NHSL1: variants seen among roughly 807,000 people sequenced by gnomAD.
NHSL1 encodes NHS-like protein 1.
In NHSL1, 48 loss-of-function variants were observed where a neutral mutation model predicts 95.0. The observed-to-expected ratio is 0.51, with a 90% CI of 0.40 to 0.64. The LOEUF (loss-of-function observed/expected upper bound fraction) is 0.64, where lower values mean the gene tolerates loss of function less well. NHSL1 is among the 30% of genes least tolerant of loss of function. NHSL1 has a pLI of 0.00. For synonymous variants in NHSL1, 783 were observed against 833.9 expected (o/e 0.94, Z 1.05); for missense variants, 1,971 against 2,077.7 (o/e 0.95, Z 1.00).
chr6:138,439,692 G>A (rs942486199), intron 5 of NHSL1, among the ~76,000 whole-genome samples: 1 of 152,106 alleles, frequency 6.6e-6, no homozygotes, highest in Admixed American at 6.5e-5. Context: ...AGATACGGTT[G>A]TCTCAGTTGA....
At chr6:138,667,761 C>G (rs753719965) in intron 1 of NHSL1, among the ~76,000 whole-genome samples, 3 of 152,126 alleles carry the variant, frequency 2.0e-5, no homozygotes, top group Non-Finnish European at 4.4e-5. Context: ...CTTTCATGTC[C>G]TTTCTATTTT....
At chr6:138,531,393 G>A (rs1012620561) in intron 1 of NHSL1, among the ~76,000 whole-genome samples, 2 of 152,190 alleles carry the variant, frequency 1.3e-5, no homozygotes, top group Non-Finnish European at 2.9e-5. Flanking sequence ...GCAAGGCATG[G>A]TATTCCAGGT....
At chr6:138,685,161 A>G (rs1785569631) in intron 1 of NHSL1, among the ~76,000 whole-genome samples, 1 of 152,126 alleles carries the variant, frequency 6.6e-6, no homozygotes, top group South Asian at 2.1e-4. Flanking sequence ...ATACAGCTAA[A>G]ATGTTAATAT....
intron 3 of NHSL1, among the ~76,000 whole-genome samples, chr6:138,454,500 T>C (rs1777456427): frequency 7.3e-6 from 1 of 137,818 alleles, no homozygotes; most frequent in Non-Finnish European, 1.5e-5. Context: ...ATACAGTCAT[T>C]ACTGGGGGAA....
intron 1 of NHSL1, among the ~76,000 whole-genome samples, chr6:138,670,494 G>A (rs1448928409): frequency 1.3e-5 from 2 of 150,696 alleles, no homozygotes; most frequent in Non-Finnish European, 3.0e-5. Flanking sequence ...GTGAAACCCC[G>A]TCTCTACTAA....
At chr6:138,614,339 G>A (rs564931038) in intron 1 of NHSL1, among the ~76,000 whole-genome samples, 1 of 152,342 alleles carries the variant, frequency 6.6e-6, no homozygotes, top group South Asian at 2.1e-4. Flanking sequence ...AAGGAAAGCT[G>A]AGTGGAAATA....
chr6:138,621,754 C>T (rs1314321912), intron 1 of NHSL1, among the ~76,000 whole-genome samples: 2 of 152,182 alleles, frequency 1.3e-5, no homozygotes, highest in African/African-American at 2.4e-5. Context: ...AAAAAATATG[C>T]ATGCAAACCA....
At chr6:138,504,222 G>C (rs547058641), upstream of NHSL1, among the ~76,000 whole-genome samples, 6 of 152,232 alleles carry the variant, frequency 3.9e-5, no homozygotes, top group African/African-American at 1.2e-4. Flanking sequence ...GTGACAGAAT[G>C]AGACCTTGTC....
chr6:138,653,214 G>A (rs1222556551), intron 1 of NHSL1, among the ~76,000 whole-genome samples: 2 of 152,072 alleles, frequency 1.3e-5, no homozygotes, highest in Non-Finnish European at 2.9e-5. Flanking sequence ...ATATTTCCAG[G>A]TCTAACTAGG....
At chr6:138,675,872 T>C (rs1283752847) in intron 1 of NHSL1, among the ~76,000 whole-genome samples, 2 of 152,208 alleles carry the variant, frequency 1.3e-5, no homozygotes, top group Non-Finnish European at 2.9e-5. Flanking sequence ...GCACTGTAGG[T>C]CTACATATCT....
intron 2 of NHSL1, among the ~76,000 whole-genome samples, chr6:138,486,713 C>A (rs1347190886): frequency 6.6e-6 from 1 of 152,206 alleles, no homozygotes; most frequent in Non-Finnish European, 1.5e-5. Context: ...CATTTTCAGG[C>A]CTTCTACAAA....
chr6:138,472,284 G>T (rs1404446593), intron 3 of NHSL1, among the ~76,000 whole-genome samples: 2 of 152,086 alleles, frequency 1.3e-5, no homozygotes, highest in East Asian at 1.9e-4. Flanking sequence ...TTGAGGCAGG[G>T]TCTTGTTTTA....
chr6:138,545,911 T>A (rs772607570), upstream of NHSL1: 6 of 837,008 alleles, frequency 7.2e-6, no homozygotes, highest in Non-Finnish European at 7.2e-6. Context: ...GCAGTCACCG[T>A]TCATATAGTC....
At chr6:138,565,863 A>G (rs1410680598) in intron 1 of NHSL1, among the ~76,000 whole-genome samples, 3 of 151,830 alleles carry the variant, frequency 2.0e-5, no homozygotes, top group Non-Finnish European at 4.4e-5. Context: ...GGATCCCTTG[A>G]GCCTGGGAGT....
Position 138,519,412 on chromosome 6 carries a change from A to T in NHSL1, c.17-23041T>A, listed in dbSNP as rs938790086. 4.6e-5 allele frequency among the ~76,000 whole-genome samples: 7 copies of T among 152,364 alleles called. No individual in the cohort carries two copies. In the East Asian group the frequency reaches 7.7e-4, roughly 17 times the overall value. On this transcript the variant is annotated intron_variant, in intron 1 of 4. Coordinates refer to the NHSL1 transcript ENST00000342260. ...ATATTTACTTCTTCATAAACACCCA[A>T]ATATTGTAATAAAAGCATTAAATAT...
intron 1 of NHSL1, among the ~76,000 whole-genome samples, chr6:138,524,486 T>C (rs533559624): frequency 6.6e-6 from 1 of 152,228 alleles, no homozygotes; most frequent in Admixed American, 6.5e-5. Flanking sequence ...GGAATCACAC[T>C]CTTCTGTGTT....
At chr6:138,591,811 C>A (rs1030575532) in intron 1 of NHSL1, among the ~76,000 whole-genome samples, 6 of 152,182 alleles carry the variant, frequency 3.9e-5, no homozygotes, top group African/African-American at 1.2e-4. Context: ...CAGCCCTGCA[C>A]GTGCACGTGG....
chr6:138,576,775 G>A (rs1446516255), upstream of NHSL1, among the ~76,000 whole-genome samples: 1 of 152,162 alleles, frequency 6.6e-6, no homozygotes, highest in African/African-American at 2.4e-5. Context: ...AGCAGACCCT[G>A]CATAATGACC....
At chr6:138,650,091 A>ACGT in intron 1 of NHSL1, 5 of 511,900 alleles carry the variant, frequency 9.8e-6, no homozygotes, top group South Asian at 6.2e-5. Flanking sequence ...AAATATGGAA[A>ACGT]CTGAAGCCCG....
Sources: gnomAD v4.1 joint callset for allele counts (sites outside exome capture counted in the v4.1 genomes callset) on GRCh38, gnomAD v4.1.1 for gene constraint, MANE v1.5 for transcripts, NCBI Gene and HGNC (gene_info 2026-07-23, HGNC 2026-07-21) for gene names.